Variants in GTF3C6 observed in about 807,000 individuals in gnomAD.
GTF3C6 encodes general transcription factor 3C polypeptide 6.
A neutral mutation model predicts 19.2 loss-of-function variants in GTF3C6; 11 were observed. The ratio of observed to expected loss-of-function variants is 0.57; its 90% CI spans 0.36 to 0.95. The LOEUF is 0.95. Ranked by LOEUF, GTF3C6 falls within the 40% of genes least tolerant of loss-of-function variation. The probability of loss-of-function intolerance (pLI) is 0.01; values close to 1 mark genes in which losing one functional copy is unlikely to be tolerated. For synonymous variants in GTF3C6, 87 were observed against 84.2 expected, an observed-to-expected ratio of 1.03 and a Z score of -0.18; for missense variants, 222 against 254.7, an observed-to-expected ratio of 0.87 and a Z score of 0.87.
Position 110,962,523 on chromosome 6 carries a change from C to G in GTF3C6, c.361+18C>G, listed in dbSNP as rs747249928. ...AAACATAGGTTAGTTCCATTATTCT[C>G]TGAAAACAGGTGATCCAGTACTGGC... is the stretch of plus-strand genomic sequence containing the variant. On this transcript the variant is annotated intron_variant, in intron 5 of 5. Transcript: ENST00000329970. The G allele has an allele frequency of 7.5e-7, 1 of 1,338,642 alleles. No homozygotes were observed. Among genetic ancestry groups the G allele is most frequent in the South Asian group, 1.2e-5 (1 of 84,474 alleles). 82.9% of individuals were successfully genotyped at this position (1,338,642 alleles called of 1,614,324 possible). A position where few individuals can be genotyped will look rare whatever the true frequency, so the allele number is the denominator to read the frequency against.
intron 2 of GTF3C6, among the ~76,000 whole-genome samples, chr6:110,959,925 C>G (rs1038291998): frequency 3.3e-5 from 5 of 151,780 alleles, no homozygotes; most frequent in African/African-American, 1.2e-4. Flanking sequence ...CCACTGTACT[C>G]CAGCCTGGGC....
At chr6:110,960,316 C>A (rs1344522885) in intron 2 of GTF3C6, 98 bp from the exon 3 acceptor site, 2 of 987,290 alleles carry the variant, frequency 2.0e-6, no homozygotes, top group African/African-American at 3.3e-5. Flanking sequence ...TCTAGAGGTT[C>A]CCCAGTTTTG....
intron 4 of GTF3C6, among the ~76,000 whole-genome samples, chr6:110,961,971 C>T (rs1261733500): frequency 6.6e-6 from 1 of 151,664 alleles, no homozygotes; most frequent in Non-Finnish European, 1.5e-5. Context: ...GGCACAATCT[C>T]TGCTCACTGC....
Position 110,958,916 on chromosome 6 carries a change from C to T in GTF3C6, c.57+90C>T, listed in dbSNP as rs981801409. On this transcript the variant is annotated intron_variant, in intron 1 of 5. Transcript: ENST00000329970. ...GGGAAGGGAGTTGGGGAGCTGCGGG[C>T]CGGAGGGAGGCCCCACTGCTCCTCA... is the stretch of plus-strand genomic sequence containing the variant. The T allele has an allele frequency of 5.7e-6, 8 of 1,394,870 alleles. No individual in the cohort carries two copies. The East Asian group carries it at 1.5e-4, about 26-fold the overall frequency. The allele number at this position is 1,394,870 out of a possible 1,614,324, so 86.4% of individuals were successfully genotyped here.
At chr6:110,965,133 C>CTT (rs57625165) in intron 5 of GTF3C6, among the ~76,000 whole-genome samples, 18 of 126,114 alleles carry the variant, frequency 1.4e-4, no homozygotes, top group South Asian at 2.6e-4. Flanking sequence ...CGCACCCAAC[C>CTT]TTTTTTTTTT....
In GTF3C6 at chr6:110,967,761, G is replaced by C. The variant is rs774807989; in HGVS notation, c.613G>C (p.Val205Leu). ...IDIPSETEGS[V>L]FMETQMLP Reference sequence around the variant, plus strand: ...TATACCTTCTGAGACAGAAGGTTCTGTTTTTATGGAAACTCAAATGCTGCC... The same window carrying C: ...TATACCTTCTGAGACAGAAGGTTCTCTTTTTATGGAAACTCAAATGCTGCC... Residue 205 changes from valine (V) to leucine (L), a missense_variant, in exon 6 of 6, where the codon GTT becomes CTT. Val to Leu is a conservative substitution (Grantham distance 32). Transcript: ENST00000329970. 6.2e-7 allele frequency: 1 copy of C among 1,606,348 alleles called. No individual in the cohort carries two copies. The highest frequency in any genetic ancestry group is 8.5e-7 in the Non-Finnish European group (1 of 1,177,406).
At chr6:110,963,354 CTG>C (rs1771188661) in intron 5 of GTF3C6, among the ~76,000 whole-genome samples, 1 of 152,208 alleles carries the variant, frequency 6.6e-6, no homozygotes, top group South Asian at 2.1e-4. Context: ...CTGGAAATGA[CTG>C]AGGAGTTTTT....
chr6:110,959,971 A>AT (rs1554244840), intron 2 of GTF3C6, among the ~76,000 whole-genome samples: 41 of 151,492 alleles, frequency 2.7e-4, no homozygotes, highest in African/African-American at 9.7e-4. Flanking sequence ...TAAAAAAAAA[A>AT]AATAATAATA....
At chr6:110,962,268 T>G (rs1216603848) in intron 4 of GTF3C6, 124 bp from the exon 5 acceptor site, 1 of 610,726 alleles carries the variant, frequency 1.6e-6, no homozygotes, top group African/African-American at 1.9e-5. Context: ...ATACCTTGAA[T>G]TTACTACACT....
At chr6:110,959,344 T>G (rs1177930077) in intron 2 of GTF3C6, 92 bp downstream of exon 2, 3 of 775,444 alleles carry the variant, frequency 3.9e-6, no homozygotes, top group Admixed American at 2.2e-5. Context: ...AGTATTGATA[T>G]ATTTATTTCA....
At chr6:110,961,428 G>A (rs1771158963) in intron 4 of GTF3C6, among the ~76,000 whole-genome samples, 2 of 152,122 alleles carry the variant, frequency 1.3e-5, no homozygotes, top group Non-Finnish European at 2.9e-5. Context: ...TGGGATTACA[G>A]GTGTGAGCCA....
intron 2 of GTF3C6, among the ~76,000 whole-genome samples, chr6:110,959,832 C>T (rs1407733294): frequency 1.3e-5 from 2 of 152,044 alleles, no homozygotes; most frequent in African/African-American, 4.8e-5. Flanking sequence ...TGGTGGGCGC[C>T]TGTAATCCCA....
chr6:110,962,629 G>A, intron 5 of GTF3C6, 124 bp downstream of exon 5: 1 of 577,358 alleles, frequency 1.7e-6, no homozygotes, highest in South Asian at 2.2e-5. Flanking sequence ...TTTTCAGACA[G>A]TCTTGCTCTG....
intron 5 of GTF3C6, among the ~76,000 whole-genome samples, chr6:110,964,345 A>G (rs926590978): frequency 6.6e-6 from 1 of 151,666 alleles, no homozygotes; most frequent in Non-Finnish European, 1.5e-5. Context: ...CCCAGGTTCA[A>G]GCGATTCTCC....
At chr6:110,960,864 A>G (rs912466314) in intron 4 of GTF3C6, among the ~76,000 whole-genome samples, 1 of 152,048 alleles carries the variant, frequency 6.6e-6, no homozygotes, top group African/African-American at 2.4e-5. Flanking sequence ...CAGCCTGGCC[A>G]ACATGGCAAA....
rs1030191521 is a variant in GTF3C6 at position 110,963,884 on chromosome 6, T to TA, written c.361+1380dup. On this transcript the variant is annotated intron_variant, in intron 5 of 5. Transcript: ENST00000329970. ...GCCTGGATGATTTTTGTATTTTTATTAGAGACAGGGCTTCGCCATGTTGGC... is the reference window on the plus strand; with the variant it reads ...GCCTGGATGATTTTTGTATTTTTATTAAGAGACAGGGCTTCGCCATGTTGGC... 2.7e-4 allele frequency among the ~76,000 whole-genome samples: 41 copies of TA among 151,922 alleles called. 1 individual carries two copies. The highest frequency in any genetic ancestry group is 8.8e-5 in the Non-Finnish European group (6 of 67,960).
At chr6:110,959,863 A>C (rs1771136304) in intron 2 of GTF3C6, among the ~76,000 whole-genome samples, 1 of 152,130 alleles carries the variant, frequency 6.6e-6, no homozygotes, top group African/African-American at 2.4e-5. Context: ...AGGCCGAGAC[A>C]GGAGAATCGC....
At chr6:110,963,601 G>C (rs1180761250) in intron 5 of GTF3C6, among the ~76,000 whole-genome samples, 4 of 152,042 alleles carry the variant, frequency 2.6e-5, no homozygotes, top group Non-Finnish European at 4.4e-5. Flanking sequence ...TGTGAGCAAA[G>C]TGGATATGAT....
chr6:110,964,444 C>A (rs1583248118), intron 5 of GTF3C6, among the ~76,000 whole-genome samples: 1 of 151,676 alleles, frequency 6.6e-6, no homozygotes, highest in Non-Finnish European at 1.5e-5. Flanking sequence ...AGGGTTTCAC[C>A]ATGTTGGTCA....
Sources: allele counts gnomAD v4.1 joint callset (sites outside exome capture counted in the v4.1 genomes callset), GRCh38; gene constraint gnomAD v4.1.1; transcripts MANE v1.5; gene names NCBI Gene and HGNC (gene_info 2026-07-23, HGNC 2026-07-21).